PGGHG: variants seen among roughly 807,000 people sequenced by gnomAD.
The protein encoded by PGGHG is protein-glucosylgalactosylhydroxylysine glucosidase, also known as ATH1, acid trehalase-like 1.
A neutral mutation model predicts 74.5 loss-of-function variants in PGGHG; 67 were observed. The ratio of observed to expected loss-of-function variants is 0.90; its 90% CI spans 0.74 to 1.10. The LOEUF (loss-of-function observed/expected upper bound fraction) is 1.10, where lower values mean the gene tolerates loss of function less well. PGGHG is among the 50% of genes least tolerant of loss of function. PGGHG has a pLI of 0.00. For synonymous variants in PGGHG, 496 were observed against 419.9 expected (o/e 1.18, Z -2.21); for missense variants, 1,034 against 981.5 (o/e 1.05, Z -0.72).
In PGGHG at chr11:294,459, C is replaced by T; in HGVS notation, c.2001C>T (p.Ser667=). The T allele has an allele frequency of 7.4e-7, 1 of 1,357,564 alleles. No individual in the cohort carries two copies. The allele number at this position is 1,357,564 out of a possible 1,614,324, so 84.1% of individuals were successfully genotyped here. A position where few individuals can be genotyped will look rare whatever the true frequency, so the allele number is the denominator to read the frequency against. ...AGGCTGAGCTGTGGCCATCCCAGTCCCGGCTCTCCCTGTTGCCAGGTAGAA... is the reference window on the plus strand; with the variant it reads ...AGGCTGAGCTGTGGCCATCCCAGTCTCGGCTCTCCCTGTTGCCAGGTAGAA... ...HLEAELWPSQ[S]RLSLLPGHKV... is the part of the protein sequence containing the mutation. Residue 667 remains serine, a synonymous_variant, in exon 13 of 14, where the codon TCC becomes TCT. Coordinates refer to ENST00000409548, the MANE Select transcript of PGGHG (RefSeq NM_025092.5).
chr11:292,727 T>C, intron 6 of PGGHG, 50 bp downstream of exon 6: 1 of 1,611,880 alleles, frequency 6.2e-7, no homozygotes, highest in Non-Finnish European at 8.5e-7. Flanking sequence ...AGGCAGCTGG[T>C]GTAGCCCCCA....
At position 290,812 on chromosome 11, in the gene PGGHG, C is replaced by A; in HGVS notation, c.605C>A (p.Thr202Lys). 1 of 1,612,532 alleles carries A rather than the reference C, an allele frequency of 6.2e-7. No homozygotes were observed. Among genetic ancestry groups the A allele is most frequent in the Non-Finnish European group, 8.5e-7 (1 of 1,179,862 alleles). The change falls in exon 4 of 14, where the codon ACA (threonine) becomes AAA (lysine). Residue 202 changes from threonine to lysine, a missense_variant. Transcript: ENST00000409548. ...GEEARTWDFL[T>K]AVGGSQAEAQ... Reference sequence around the variant, plus strand: ...GAGGCTAGGACGTGGGACTTCCTGACAGCAGTGGGCGGCAGCCAGGCTGAG... The same window carrying A: ...GAGGCTAGGACGTGGGACTTCCTGAAAGCAGTGGGCGGCAGCCAGGCTGAG...
rs897081635 is a variant in PGGHG at position 293,155 on chromosome 11, G to T, written c.1271-8G>T. The stretch of plus-strand genomic sequence containing the variant: ...GCACTGAGCACCATCTTGGACTTGT[G>T]TGTCCAGGAGTCATGTCCCCCGACG... On this transcript the variant is annotated splice_polypyrimidine_tract_variant and splice_region_variant and intron_variant, in intron 7 of 13. Coordinates refer to ENST00000409548, the MANE Select transcript of PGGHG (RefSeq NM_025092.5). The T allele has an allele frequency of 3.1e-6, 5 of 1,613,854 alleles. No homozygotes were observed. In the Admixed American group the frequency reaches 6.7e-5, roughly 22 times the overall value.
intron 10 of PGGHG, 29 bp from the exon 11 acceptor site, chr11:293,801 C>T (rs1564842337): frequency 6.2e-7 from 1 of 1,613,516 alleles, no homozygotes. Flanking sequence ...GGGCCTCACC[C>T]CTGTGTGTCC....
chr11:293,769 C>T (rs760465850), intron 10 of PGGHG, 42 bp downstream of exon 10: 2 of 1,613,426 alleles, frequency 1.2e-6, no homozygotes, highest in South Asian at 1.1e-5. Flanking sequence ...CCATTGGCCT[C>T]AGTCTTCTCT....
rs1280152558 is a variant in PGGHG, at chr11:290,246, C to T, written c.260-144C>T. Reference sequence around the variant, plus strand: ...CCCCTTCCCTCCACCTGGAGGCCTCCTGTGCAGCTGTAGCGGGAACGAGCA... The same window carrying T: ...CCCCTTCCCTCCACCTGGAGGCCTCTTGTGCAGCTGTAGCGGGAACGAGCA... On this transcript the variant is annotated intron_variant, in intron 2 of 13. Transcript: ENST00000409548. The T allele has an allele frequency of 1.8e-5, 24 of 1,331,674 alleles. No individual in the cohort carries two copies. In the East Asian group the frequency reaches 6.1e-4, roughly 34 times the overall value. The allele number at this position is 1,331,674 out of a possible 1,614,324, so 82.5% of individuals were successfully genotyped here.
chr11:290,644 A>C (rs766843025), intron 3 of PGGHG, 34 bp from the exon 4 acceptor site: 107 of 1,608,126 alleles, frequency 6.7e-5, no homozygotes, highest in Non-Finnish European at 8.7e-5. Flanking sequence ...CCAGGGAGGG[A>C]GCTCATCCCT....
rs1845836378 is a variant in PGGHG at position 295,071 on chromosome 11, A to G, written c.*322A>G. 1 of 239,888 alleles carries G rather than the reference A, an allele frequency of 4.2e-6. No individual in the cohort carries two copies. Among genetic ancestry groups the G allele is most frequent in the Non-Finnish European group, 8.0e-6 (1 of 124,610 alleles). 14.9% of individuals were successfully genotyped at this position (239,888 alleles called of 1,614,324 possible). A position where few individuals can be genotyped will look rare whatever the true frequency, so the allele number is the denominator to read the frequency against. On this transcript the variant is annotated 3_prime_UTR_variant, in exon 14 of 14. Coordinates refer to ENST00000409548, the MANE Select transcript of PGGHG (RefSeq NM_025092.5). The stretch of plus-strand genomic sequence containing the variant: ...GAGCCTGCATCACCTCTGGCCTCTC[A>G]TCCCCCACTCTCCTGAGAGCAGTGG...
At chr11:294,532 C>T in intron 13 of PGGHG, 24 bp from the exon 14 acceptor site, 3 of 1,599,492 alleles carry the variant, frequency 1.9e-6, no homozygotes. Flanking sequence ...GCCCCTCACC[C>T]CCAGGCTGCC....
At chr11:292,209 C>T (rs1372241116) in intron 5 of PGGHG, 114 bp downstream of exon 5, 6 of 1,366,996 alleles carry the variant, frequency 4.4e-6, no homozygotes, top group Non-Finnish European at 5.8e-6. Context: ...CTGGGACATC[C>T]TAGATTCCCC....
chr11:293,453 C>A lies in PGGHG; in HGVS notation c.1431C>A (p.Pro477=). The stretch of plus-strand genomic sequence containing the variant: ...CGGTGGCTGACAAGATCAAGGTACC[C>A]TTTGACGTGGAGCAGAACTTCCACC... ...WLAVADKIKV[P]FDVEQNFHPE... The change falls in exon 9 of 14, where the codon CCC becomes CCA. Residue 477 remains proline (P), a synonymous_variant. Transcript: ENST00000409548. 6.2e-7 allele frequency: 1 copy of A among 1,612,228 alleles called. No individual in the cohort carries two copies. The highest frequency in any genetic ancestry group is 8.5e-7 in the Non-Finnish European group (1 of 1,180,008).
intron 13 of PGGHG, 27 bp from the exon 14 acceptor site, chr11:294,529 A>ACCCCCCGGCTGCCCCTCC: frequency 6.3e-7 from 1 of 1,591,598 alleles, no homozygotes; most frequent in Non-Finnish European, 8.6e-7. Flanking sequence ...GCTGCCCCTC[A>ACCCCCCGGCTGCCCCTCC]CCCCCAGGCT....
chr11:289,645 G>C lies in PGGHG; in HGVS notation c.-13-159G>C. On this transcript the variant is annotated intron_variant, in intron 1 of 13. Coordinates refer to ENST00000409548, the MANE Select transcript of PGGHG (RefSeq NM_025092.5). The surrounding 1 kb of genome is among the most constrained non-coding windows in gnomAD (Gnocchi z 5.6). ...CCTCTGAGAGTCGAGCTCCTTTCCT[G>C]CGAGGCCCCGTCTAGGAGGGGCCTC... 1.1e-6 allele frequency: 1 copy of C among 900,674 alleles called. No homozygotes were observed. The highest frequency in any genetic ancestry group is 1.6e-6 in the Non-Finnish European group (1 of 614,478). The allele number at this position is 900,674 out of a possible 1,614,324, so 55.8% of individuals were successfully genotyped here. A position where few individuals can be genotyped will look rare whatever the true frequency, so the allele number is the denominator to read the frequency against.
At position 290,401 on chromosome 11, in the gene PGGHG, C is replaced by T. The variant is rs1845682335; in HGVS notation, c.271C>T (p.His91Tyr). 8 of 1,545,370 alleles carry T rather than the reference C, an allele frequency of 5.2e-6. No individual in the cohort carries two copies. Among genetic ancestry groups the T allele is most frequent in the South Asian group, 2.4e-5 (2 of 83,972 alleles). ...ALDTNTGSFLHTLEGPRFRAS... is the reference protein window; with the variant it reads ...ALDTNTGSFLYTLEGPRFRAS... ...TTCTGCCTCCCCAGGCTCCTTTCTT[C>T]ACACCCTGGAGGGCCCCCGCTTCCG... The change falls in exon 3 of 14, where the codon CAC becomes TAC. Residue 91 changes from histidine (H) to tyrosine (Y), a missense_variant. Coordinates refer to ENST00000409548, the MANE Select transcript of PGGHG (RefSeq NM_025092.5).
Position 291,033 on chromosome 11 carries a change from A to G in PGGHG, c.826A>G (p.Ile276Val). ...ALPQPKAPGY[I>V]CHGLSPGGLS... ...GCCCCAGCCCAAGGCCCCAGGATAC[A>G]TCTGCCATGGCCTCAGTCCTGGGGG... The change falls in exon 4 of 14, where the codon ATC (isoleucine) becomes GTC (valine). Residue 276 changes from isoleucine to valine, a missense_variant. Physicochemically the swap from Ile to Val is conservative, Grantham distance 29 (BLOSUM62 3). Transcript: ENST00000409548. 1 of 1,612,472 alleles carries G rather than the reference A, an allele frequency of 6.2e-7. No individual in the cohort carries two copies. The highest frequency in any genetic ancestry group is 8.5e-7 in the Non-Finnish European group (1 of 1,179,776).
At position 294,643 on chromosome 11, in the gene PGGHG, G is replaced by A. The variant is rs1311364744; in HGVS notation, c.2108G>A (p.Gly703Glu). The A allele has an allele frequency of 6.4e-7, 1 of 1,564,806 alleles. No individual in the cohort carries two copies. The highest frequency in any genetic ancestry group is 1.8e-5 in the Admixed American group (1 of 56,634). The change falls in exon 14 of 14, where the codon GGG becomes GAG. Residue 703 changes from glycine to glutamate, a missense_variant. Gly to Glu is a moderately conservative substitution (Grantham distance 98). Transcript: ENST00000409548. ...LPGSSSSEFPGRTFSDVRDPL... is the reference protein window; with the variant it reads ...LPGSSSSEFPERTFSDVRDPL... ...GGAAGTTCCAGCTCCGAGTTCCCTG[G>A]GAGGACTTTTTCAGATGTTAGGGAC...
chr11:290,766 C>G lies in PGGHG; in HGVS notation c.559C>G (p.Leu187Val). 1 of 1,612,484 alleles carries G rather than the reference C, an allele frequency of 6.2e-7. No individual in the cohort carries two copies. The highest frequency in any genetic ancestry group is 1.1e-5 in the South Asian group (1 of 90,936). The stretch of plus-strand genomic sequence containing the variant: ...GCTGTGGACACCAGCACCCCCAGAC[C>G]TGACCCTTGGGGAAGGTGAGGAGGC... ...HMLWTPAPPDLTLGEGEEART... is the reference protein window; with the variant it reads ...HMLWTPAPPDVTLGEGEEART... Residue 187 changes from leucine (L) to valine (V), a missense_variant, in exon 4 of 14, where the codon CTG (leucine) becomes GTG (valine). Transcript: ENST00000409548.
At chr11:291,660 G>T in intron 4 of PGGHG, 1 of 324,894 alleles carries the variant, frequency 3.1e-6, no homozygotes, top group Non-Finnish European at 5.7e-6. Context: ...CCGTTTCTTT[G>T]ATGAGGCTCT....
At chr11:293,801 CCT>C (rs760978997) in intron 10 of PGGHG, 27 bp from the exon 11 acceptor site, 5 of 1,613,398 alleles carry the variant, frequency 3.1e-6, no homozygotes, top group Non-Finnish European at 3.4e-6. Context: ...GGGCCTCACC[CCT>C]GTGTGTCCTC....
Sources: gnomAD v4.1 joint callset for allele counts on GRCh38, gnomAD v4.1.1 for gene constraint, Gnocchi (gnomAD v3.1) non-coding constraint, MANE v1.5 for transcripts, NCBI Gene and HGNC (gene_info 2026-07-23, HGNC 2026-07-21) for gene names.